CDYL2: variants seen among roughly 807,000 people sequenced by gnomAD.
CDYL2 encodes chromodomain Y-like protein 2.
Under a neutral mutation model 49.4 loss-of-function variants are expected in CDYL2, and 23 were observed. The ratio of observed to expected loss-of-function variants is 0.47; its 90% CI spans 0.34 to 0.66. CDYL2 has a LOEUF of 0.66. CDYL2 is among the 30% of genes least tolerant of loss of function. CDYL2 has a pLI of 0.01. For missense variants in CDYL2, 678 were observed against 656.4 expected (o/e 1.03, Z -0.36); for synonymous variants, 360 against 268.8 (o/e 1.34, Z -3.32).
At chr16:80,622,580 G>A (rs986698327) in intron 3 of CDYL2, among the ~76,000 whole-genome samples, 1 of 152,142 alleles carries the variant, frequency 6.6e-6, no homozygotes, top group Non-Finnish European at 1.5e-5. Context: ...TATACTCAGA[G>A]CCTAGCACAG....
intron 4 of CDYL2, among the ~76,000 whole-genome samples, chr16:80,614,992 G>C (rs1906765003): frequency 6.6e-6 from 1 of 152,026 alleles, no homozygotes; most frequent in Non-Finnish European, 1.5e-5. Context: ...AGATTCAACT[G>C]CGAGAAGTCT....
chr16:80,761,623 T>C (rs941800652), intron 1 of CDYL2, among the ~76,000 whole-genome samples: 1 of 152,106 alleles, frequency 6.6e-6, no homozygotes, highest in African/African-American at 2.4e-5. Flanking sequence ...TCAATAGATC[T>C]GAGAGAGGCC....
intron 2 of CDYL2, among the ~76,000 whole-genome samples, chr16:80,654,901 T>C (rs1015308748): frequency 1.3e-5 from 2 of 152,202 alleles, no homozygotes; most frequent in African/African-American, 2.4e-5. Context: ...ACAAGGCTTG[T>C]GTAGAGGGAG....
At chr16:80,673,121 C>A (rs1271162962) in intron 2 of CDYL2, among the ~76,000 whole-genome samples, 1 of 151,778 alleles carries the variant, frequency 6.6e-6, no homozygotes, top group East Asian at 1.9e-4. Context: ...AGTTCAAGAC[C>A]AGCCTGGCCA....
chr16:80,687,492 G>A (rs1001761107), intron 1 of CDYL2, among the ~76,000 whole-genome samples: 8 of 151,994 alleles, frequency 5.3e-5, no homozygotes, highest in African/African-American at 1.7e-4. Flanking sequence ...CTGGATAGAT[G>A]GATAGATGGA....
chr16:80,785,839 C>T lies in CDYL2; in HGVS notation c.24+18311G>A, dbSNP rs541856890. On this transcript the variant is annotated intron_variant, in intron 1 of 6. Transcript: ENST00000570137. ...CTACCGTCATCCGATCTTTGACCAA[C>T]CCGACACACAAAAGCAATGGGGAAA... 5.3e-5 allele frequency among the ~76,000 whole-genome samples: 8 copies of T among 152,290 alleles called. No homozygotes were observed. In the South Asian group the frequency reaches 1.4e-3, roughly 28 times the overall value.
chr16:80,726,078 C>T (rs1041147174), intron 1 of CDYL2, among the ~76,000 whole-genome samples: 1 of 152,186 alleles, frequency 6.6e-6, no homozygotes, highest in Non-Finnish European at 1.5e-5. Flanking sequence ...AAATAATTTG[C>T]TAATCCAGAA....
chr16:80,740,411 A>G (rs1022178410), intron 1 of CDYL2, among the ~76,000 whole-genome samples: 1 of 152,224 alleles, frequency 6.6e-6, no homozygotes, highest in Admixed American at 6.5e-5. Flanking sequence ...ATTCAAAAGT[A>G]CAACTATGAC....
rs113179037 is a variant in CDYL2 at position 80,646,289 on chromosome 16, AT to A, written c.617-13054del. Among the ~76,000 whole-genome samples the A allele has an allele frequency of 2.6e-5, 4 of 152,144 alleles. 1 individual carries two copies. The highest frequency in any genetic ancestry group is 3.9e-4 in the East Asian group (2 of 5,188). On this transcript the variant is annotated intron_variant, in intron 2 of 6. Coordinates refer to ENST00000570137, the MANE Select transcript of CDYL2 (RefSeq NM_152342.4). ...AAAAATATATAATGAATACAAAAAA[AT>A]TAACAAACAATAAACTAAATCATAA...
At chr16:80,758,972 G>A (rs548658672) in intron 1 of CDYL2, among the ~76,000 whole-genome samples, 7 of 151,476 alleles carry the variant, frequency 4.6e-5, no homozygotes, top group Non-Finnish European at 8.8e-5. Flanking sequence ...GAATTTTGGT[G>A]TAGAAAAATA....
intron 2 of CDYL2, among the ~76,000 whole-genome samples, chr16:80,676,425 G>T (rs952320544): frequency 7.9e-5 from 12 of 152,154 alleles, no homozygotes; most frequent in Non-Finnish European, 1.8e-4. Flanking sequence ...GCTGCCCCGG[G>T]AACACCCTTC....
chr16:80,664,516 G>T (rs1300440817), intron 2 of CDYL2, among the ~76,000 whole-genome samples: 2 of 152,180 alleles, frequency 1.3e-5, no homozygotes, highest in African/African-American at 4.8e-5. Context: ...GAGTTCTTTG[G>T]AAGACACGGC....
chr16:80,636,890 C>A (rs377667359), intron 2 of CDYL2, among the ~76,000 whole-genome samples: 1 of 152,142 alleles, frequency 6.6e-6, no homozygotes, highest in Admixed American at 6.5e-5. Flanking sequence ...AGGATGAGTT[C>A]ATGTCCTTTG....
At chr16:80,747,268 G>A (rs562459747) in intron 1 of CDYL2, among the ~76,000 whole-genome samples, 122 of 152,220 alleles carry the variant, frequency 8.0e-4, no homozygotes, top group South Asian at 5.2e-3. Flanking sequence ...TCAGCATCTA[G>A]CATCTGAAGA....
At position 80,692,622 on chromosome 16, in the gene CDYL2, T is replaced by C. The variant is rs111427711; in HGVS notation, c.25-7493A>G. ...GAGGCTTAAGTAATCATTGTAATTATGACAAATTGAAAGCAAATATTAAAT... is the reference window on the plus strand; with the variant it reads ...GAGGCTTAAGTAATCATTGTAATTACGACAAATTGAAAGCAAATATTAAAT... On this transcript the variant is annotated intron_variant, in intron 1 of 6. Coordinates refer to ENST00000570137, the MANE Select transcript of CDYL2 (RefSeq NM_152342.4). Among the ~76,000 whole-genome samples, 10 of 152,340 alleles carry C rather than the reference T, an allele frequency of 6.6e-5. 1 individual carries two copies. Among genetic ancestry groups the C allele is most frequent in the African/African-American group, 2.4e-4 (10 of 41,574 alleles).
intron 1 of CDYL2, among the ~76,000 whole-genome samples, chr16:80,734,190 G>C (rs528604672): frequency 6.6e-6 from 1 of 152,154 alleles, no homozygotes; most frequent in African/African-American, 2.4e-5. Context: ...TATTTCAATA[G>C]AGTTACCCAG....
chr16:80,793,702 T>C (rs1163333783), intron 1 of CDYL2, among the ~76,000 whole-genome samples: 1 of 152,230 alleles, frequency 6.6e-6, no homozygotes, highest in East Asian at 1.9e-4. Flanking sequence ...AATAGAACCA[T>C]TTCCCTAACA....
At chr16:80,732,793 G>T (rs1905376602) in intron 1 of CDYL2, among the ~76,000 whole-genome samples, 1 of 152,156 alleles carries the variant, frequency 6.6e-6, no homozygotes, top group Admixed American at 6.5e-5. Flanking sequence ...TATTCCAATT[G>T]TTACCAAAAA....
chr16:80,666,189 T>C (rs1023595926), intron 2 of CDYL2, among the ~76,000 whole-genome samples: 18 of 152,246 alleles, frequency 1.2e-4, no homozygotes, highest in African/African-American at 4.1e-4. Flanking sequence ...AGAGGCAATG[T>C]TTGTATTTGA....
Sources: allele counts gnomAD v4.1 joint callset (sites outside exome capture counted in the v4.1 genomes callset), GRCh38; gene constraint gnomAD v4.1.1; transcripts MANE v1.5; gene names NCBI Gene and HGNC (gene_info 2026-07-23, HGNC 2026-07-21).